CSMD1: variants seen among roughly 807,000 people sequenced by gnomAD.
CSMD1 encodes the protein CUB and sushi domain-containing protein 1.
In CSMD1, 213 loss-of-function variants were observed where a neutral mutation model predicts 417.5. That is an observed-to-expected ratio of 0.51 (90% CI 0.46 to 0.57). CSMD1 has a LOEUF of 0.57. Among genes scored for constraint, CSMD1 ranks in the 20% least tolerant of loss-of-function variants. The probability of loss-of-function intolerance (pLI) is 0.00; values close to 1 mark genes in which losing one functional copy is unlikely to be tolerated. For synonymous variants in CSMD1, 2,862 were observed against 1,736.8 expected (o/e 1.65, Z -16.11); for missense variants, 6,923 against 4,529.7 (o/e 1.53, Z -15.17).
intron 3 of CSMD1, among the ~76,000 whole-genome samples, chr8:4,094,081 C>T (rs557735918): frequency 7.9e-5 from 12 of 152,134 alleles, no homozygotes; most frequent in Admixed American, 3.3e-4. Context: ...GTGGAAGTGA[C>T]GCTGTGTGGA....
intron 3 of CSMD1, among the ~76,000 whole-genome samples, chr8:4,112,943 T>A (rs183612062): frequency 6.6e-6 from 1 of 152,332 alleles, no homozygotes; most frequent in Non-Finnish European, 1.5e-5. Flanking sequence ...CTTCATCCTT[T>A]TGCGTTACAT....
At chr8:3,586,055 C>A in intron 9 of CSMD1, 81 bp downstream of exon 9, 2 of 1,409,112 alleles carry the variant, frequency 1.4e-6, no homozygotes, top group Non-Finnish European at 1.9e-6. Flanking sequence ...CACAATGCTT[C>A]ATGCTTAAAT....
intron 3 of CSMD1, among the ~76,000 whole-genome samples, chr8:4,325,069 G>C (rs190140359): frequency 1.3e-5 from 2 of 152,274 alleles, no homozygotes; most frequent in East Asian, 1.9e-4. Context: ...GCATCCAGTG[G>C]AGCCAGGAGG....
At chr8:4,436,549 G>C (rs376507320) in intron 2 of CSMD1, among the ~76,000 whole-genome samples, 1 of 149,196 alleles carries the variant, frequency 6.7e-6, no homozygotes, top group Admixed American at 6.6e-5. Context: ...CGATCACACT[G>C]TAAGTTATTT....
intron 5 of CSMD1, among the ~76,000 whole-genome samples, chr8:3,952,860 G>A (rs1036963531): frequency 2.2e-4 from 34 of 152,078 alleles, no homozygotes; most frequent in Non-Finnish European, 4.1e-4. Context: ...GTGAAAATAA[G>A]AGCAAAAAAC....
chr8:3,177,343 G>C (rs55741109), intron 37 of CSMD1, among the ~76,000 whole-genome samples: 14 of 152,038 alleles, frequency 9.2e-5, no homozygotes, highest in African/African-American at 1.4e-4. Context: ...CCAGCCCCCA[G>C]TGCAGAGGCT....
At chr8:3,459,667 C>T (rs940372432) in intron 12 of CSMD1, among the ~76,000 whole-genome samples, 1 of 152,016 alleles carries the variant, frequency 6.6e-6, no homozygotes, top group African/African-American at 2.4e-5. Flanking sequence ...ACTCAGAGAA[C>T]CAGAGAGGGC....
intron 50 of CSMD1, among the ~76,000 whole-genome samples, chr8:3,046,877 T>C (rs1405018042): frequency 1.3e-5 from 2 of 152,152 alleles, no homozygotes; most frequent in Admixed American, 6.5e-5. Flanking sequence ...GGATTGCTAT[T>C]CTAATTGAAT....
chr8:2,953,753 T>C (rs565647811), intron 65 of CSMD1, among the ~76,000 whole-genome samples: 1 of 152,346 alleles, frequency 6.6e-6, no homozygotes, highest in East Asian at 1.9e-4. Flanking sequence ...ATTAACATTT[T>C]AGAAGGCAAA....
At chr8:4,938,033 A>G (rs1471309480) in intron 1 of CSMD1, among the ~76,000 whole-genome samples, 3 of 152,220 alleles carry the variant, frequency 2.0e-5, no homozygotes, top group East Asian at 1.9e-4. Context: ...AAAAATAGTT[A>G]GAATAATATT....
intron 3 of CSMD1, among the ~76,000 whole-genome samples, chr8:4,305,682 C>T (rs1288690163): frequency 6.6e-6 from 1 of 152,174 alleles, no homozygotes; most frequent in Non-Finnish European, 1.5e-5. Flanking sequence ...TAAGTGCTTG[C>T]TCAAAATGTG....
chr8:4,398,672 G>A (rs910166338), intron 3 of CSMD1, among the ~76,000 whole-genome samples: 1 of 152,058 alleles, frequency 6.6e-6, no homozygotes, highest in South Asian at 2.1e-4. Flanking sequence ...TGGGATTACA[G>A]GCATGAGCCA....
intron 3 of CSMD1, among the ~76,000 whole-genome samples, chr8:4,082,710 C>T (rs964137934): frequency 4.6e-5 from 7 of 151,216 alleles, no homozygotes; most frequent in African/African-American, 1.7e-4. Flanking sequence ...GTGTGCTGCA[C>T]CCATTAACTC....
chr8:4,029,916 G>T (rs576203677), intron 4 of CSMD1, among the ~76,000 whole-genome samples: 1 of 152,030 alleles, frequency 6.6e-6, no homozygotes, highest in Non-Finnish European at 1.5e-5. Context: ...AGGGTCTACT[G>T]GCCCTATGTA....
At chr8:4,943,126 G>C (rs1004223076) in intron 1 of CSMD1, among the ~76,000 whole-genome samples, 1 of 152,160 alleles carries the variant, frequency 6.6e-6, no homozygotes, top group African/African-American at 2.4e-5. Flanking sequence ...GGAATTAGTG[G>C]AGGATTAATT....
chr8:4,756,823 G>C (rs1676953), intron 1 of CSMD1, among the ~76,000 whole-genome samples: 3 of 151,758 alleles, frequency 2.0e-5, no homozygotes, highest in Non-Finnish European at 4.4e-5. Flanking sequence ...TAGAAGAGCT[G>C]GGCCCAGGTA....
chr8:3,950,932 C>T (rs1040277293), intron 5 of CSMD1, among the ~76,000 whole-genome samples: 3 of 151,762 alleles, frequency 2.0e-5, no homozygotes, highest in African/African-American at 7.3e-5. Flanking sequence ...CATAATAAGC[C>T]CTGAACAGAC....
rs568648853 is a variant in CSMD1 at position 3,106,912 on chromosome 8, C to T, written c.6836-271G>A. On this transcript the variant is annotated intron_variant, in intron 45 of 69. Transcript: ENST00000635120. ...AGGCATCCGTGTTGGTTTCCCTTCCCCAGTGATTGCTGACGAAAAGAAAAA... is the reference window on the plus strand; with the variant it reads ...AGGCATCCGTGTTGGTTTCCCTTCCTCAGTGATTGCTGACGAAAAGAAAAA... The T allele has an allele frequency of 2.3e-5, 7 of 309,128 alleles. No homozygotes were observed. The South Asian group carries it at 6.2e-4, about 27-fold the overall frequency. 19.1% of individuals were successfully genotyped at this position (309,128 alleles called of 1,614,324 possible).
At chr8:4,457,192 G>A (rs1799540969) in intron 2 of CSMD1, among the ~76,000 whole-genome samples, 1 of 152,034 alleles carries the variant, frequency 6.6e-6, no homozygotes, top group South Asian at 2.1e-4. Context: ...AATGTGTCCT[G>A]TTAAACACAT....
Sources: allele counts gnomAD v4.1 joint callset (sites outside exome capture counted in the v4.1 genomes callset), GRCh38; gene constraint gnomAD v4.1.1; transcripts MANE v1.5; gene names NCBI Gene and HGNC (gene_info 2026-07-23, HGNC 2026-07-21).